DLG2: variants seen among roughly 807,000 people sequenced by gnomAD.
The protein encoded by DLG2 is discs large MAGUK scaffold protein 2.
DLG2 carries 45 observed loss-of-function variants against 132.5 expected under a neutral mutation model. The ratio of observed to expected loss-of-function variants is 0.34; its 90% CI spans 0.27 to 0.44. The LOEUF (loss-of-function observed/expected upper bound fraction) is 0.44. DLG2 is among the 20% of genes least tolerant of loss of function. The pLI is 1.00. For missense variants in DLG2, 1,045 were observed against 1,196.9 expected (o/e 0.87, Z 1.87); for synonymous variants, 424 against 419.6 (o/e 1.01, Z -0.13).
At chr11:84,292,913 A>G (rs2098025832) in intron 7 of DLG2, among the ~76,000 whole-genome samples, 1 of 152,302 alleles carries the variant, frequency 6.6e-6, no homozygotes, top group Middle Eastern at 3.4e-3. Context: ...TAATGAGCTA[A>G]AAAACAAAAA....
At chr11:83,993,321 C>T (rs1286474258) in intron 11 of DLG2, among the ~76,000 whole-genome samples, 2 of 152,112 alleles carry the variant, frequency 1.3e-5, no homozygotes, top group African/African-American at 2.4e-5. Flanking sequence ...AAATGTCAAG[C>T]ATCCTACATT....
intron 18 of DLG2, among the ~76,000 whole-genome samples, chr11:83,684,090 A>G (rs2079293656): frequency 6.6e-6 from 1 of 152,124 alleles, no homozygotes; most frequent in Non-Finnish European, 1.5e-5. Context: ...ATGAACTTTT[A>G]TATGTAACTA....
intron 19 of DLG2, among the ~76,000 whole-genome samples, chr11:83,573,256 G>C (rs1324736645): frequency 2.0e-5 from 3 of 152,092 alleles, no homozygotes; most frequent in African/African-American, 4.8e-5. Flanking sequence ...TCCAAATGGT[G>C]ATTATAGTCT....
chr11:84,421,445 ATG>A (rs1453509630), intron 7 of DLG2, among the ~76,000 whole-genome samples: 1 of 152,152 alleles, frequency 6.6e-6, no homozygotes, highest in African/African-American at 2.4e-5. Flanking sequence ...GAGTGCAACA[ATG>A]TGTGTTTTAT....
At chr11:83,467,810 T>C (rs183727937) in intron 25 of DLG2, among the ~76,000 whole-genome samples, 13,309 of 94,628 alleles carry the variant, frequency 0.14, 1,169 homozygotes, top group South Asian at 0.16. Context: ...TATATATATA[T>C]ACACACACAC....
At chr11:84,512,624 G>T (rs1277576673) in intron 7 of DLG2, among the ~76,000 whole-genome samples, 2 of 151,808 alleles carry the variant, frequency 1.3e-5, no homozygotes, top group East Asian at 3.9e-4. Context: ...AAGCAAAAGA[G>T]AAAATACACA....
At chr11:84,090,917 G>A (rs1357049474) in intron 10 of DLG2, among the ~76,000 whole-genome samples, 2 of 152,114 alleles carry the variant, frequency 1.3e-5, no homozygotes, top group Admixed American at 6.5e-5. Flanking sequence ...TATTTGCAAA[G>A]GCTTTTTTAC....
At chr11:84,609,716 C>G (rs932955230) in intron 6 of DLG2, among the ~76,000 whole-genome samples, 1 of 152,036 alleles carries the variant, frequency 6.6e-6, no homozygotes, top group African/African-American at 2.4e-5. Flanking sequence ...CCTGCCTTCC[C>G]TTTTTTATGA....
intron 6 of DLG2, among the ~76,000 whole-genome samples, chr11:85,001,930 T>C (rs1396438611): frequency 6.6e-6 from 1 of 152,166 alleles, no homozygotes; most frequent in East Asian, 1.9e-4. Flanking sequence ...AATTTGGCTA[T>C]AAACCCAAAT....
intron 11 of DLG2, among the ~76,000 whole-genome samples, chr11:84,043,748 CTT>C (rs1044041435): frequency 2.0e-5 from 3 of 151,626 alleles, no homozygotes; most frequent in African/African-American, 7.3e-5. Flanking sequence ...AAGCTTTGCT[CTT>C]TGTCGCTATT....
chr11:85,426,633 C>G (rs946314077), intron 3 of DLG2, among the ~76,000 whole-genome samples: 2 of 152,100 alleles, frequency 1.3e-5, no homozygotes, highest in Non-Finnish European at 2.9e-5. Flanking sequence ...CTGTACGTTA[C>G]CATCATCAAA....
chr11:83,734,500 G>A (rs1183834081), intron 18 of DLG2, among the ~76,000 whole-genome samples: 1 of 151,474 alleles, frequency 6.6e-6, no homozygotes, highest in Non-Finnish European at 1.5e-5. Context: ...ACCCAGGCTG[G>A]AGTGCAGTGG....
chr11:84,063,181 C>T (rs1324435831), intron 10 of DLG2, among the ~76,000 whole-genome samples: 1 of 152,174 alleles, frequency 6.6e-6, no homozygotes, highest in Non-Finnish European at 1.5e-5. Flanking sequence ...ATTAAGTTGA[C>T]AGTTTCACTC....
At chr11:84,124,204 T>A (rs945751542) in intron 9 of DLG2, among the ~76,000 whole-genome samples, 1 of 152,182 alleles carries the variant, frequency 6.6e-6, no homozygotes, top group African/African-American at 2.4e-5. Context: ...GCACATGTTT[T>A]TTTCCTATGT....
At chr11:84,899,856 G>T (rs1256637673) in intron 6 of DLG2, among the ~76,000 whole-genome samples, 2 of 151,994 alleles carry the variant, frequency 1.3e-5, no homozygotes, top group Non-Finnish European at 2.9e-5. Context: ...TTCTCTCTGG[G>T]AAGACACAGG....
At chr11:83,901,071 T>A (rs1295600911) in intron 15 of DLG2, among the ~76,000 whole-genome samples, 1 of 152,226 alleles carries the variant, frequency 6.6e-6, no homozygotes, top group African/African-American at 2.4e-5. Context: ...CAGACTTGCA[T>A]AGAGCCTATA....
At chr11:84,573,378 G>C (rs569913011) in intron 6 of DLG2, among the ~76,000 whole-genome samples, 1 of 152,074 alleles carries the variant, frequency 6.6e-6, no homozygotes, top group Non-Finnish European at 1.5e-5. Flanking sequence ...ATAATTCAAA[G>C]TATTATTTTT....
chr11:83,476,873 A>C (rs184700410), intron 22 of DLG2, among the ~76,000 whole-genome samples: 1 of 152,272 alleles, frequency 6.6e-6, no homozygotes, highest in Admixed American at 6.5e-5. Flanking sequence ...ATTAAATGAG[A>C]TAATAGATGT....
intron 6 of DLG2, chr11:84,887,504 G>A (rs896113414): frequency 2.0e-5 from 3 of 152,052 alleles, no homozygotes; most frequent in African/African-American, 7.2e-5. Context: ...GCCACAATTA[G>A]TTATATATCC....
Sources: allele counts gnomAD v4.1 joint callset (sites outside exome capture counted in the v4.1 genomes callset), GRCh38; gene constraint gnomAD v4.1.1; transcripts MANE v1.5; gene names NCBI Gene and HGNC (gene_info 2026-07-23, HGNC 2026-07-21).